The following ITM2C variants were observed in gnomAD, a reference collection of about 807,000 sequenced individuals.
The protein encoded by ITM2C is integral membrane protein 2C, also known as BRICHOS domain containing 2C.
ITM2C carries 20 observed loss-of-function variants against 30.0 expected under a neutral mutation model. That is an observed-to-expected ratio of 0.67 (90% CI 0.47 to 0.97). The LOEUF (loss-of-function observed/expected upper bound fraction) is 0.97. ITM2C is among the 50% of genes least tolerant of loss of function. The probability of loss-of-function intolerance (pLI) is 0.00; values close to 1 mark genes in which losing one functional copy is unlikely to be tolerated. For missense variants in ITM2C, 366 were observed against 371.9 expected (o/e 0.98, Z 0.13); for synonymous variants, 167 against 156.4 (o/e 1.07, Z -0.51).
chr2:230,871,934 G>A lies in ITM2C; in HGVS notation c.121-1483G>A, dbSNP rs142935944. Among the ~76,000 whole-genome samples the A allele has an allele frequency of 4.1e-3, 626 of 152,352 alleles. 7 individuals are homozygous for A. The highest frequency in any genetic ancestry group is 0.015 in the African/African-American group (608 of 41,588). On this transcript the variant is annotated intron_variant, in intron 1 of 5. Coordinates refer to ENST00000326427, the MANE Select transcript of ITM2C (RefSeq NM_030926.6). ...CTGAGGAGCGAAGCAGGCGCCCCCA[G>A]GGCAGGACCCCTGTGCTGTGCTGAG...
At chr2:230,875,394 G>A (rs997161569) in intron 2 of ITM2C, among the ~76,000 whole-genome samples, 9 of 152,148 alleles carry the variant, frequency 5.9e-5, no homozygotes, top group South Asian at 4.1e-4. Context: ...GCTGGGAAGC[G>A]CCTTGCCCAA....
intron 1 of ITM2C, 194 bp from the exon 2 acceptor site, chr2:230,873,223 C>T (rs370213033): frequency 4.7e-5 from 22 of 471,762 alleles, no homozygotes; most frequent in African/African-American, 3.0e-4. Flanking sequence ...AGGTTTGTCT[C>T]GGTTTCTCTT....
intron 1 of ITM2C, among the ~76,000 whole-genome samples, chr2:230,866,935 G>C (rs1476531925): frequency 6.6e-6 from 1 of 152,218 alleles, no homozygotes; most frequent in Non-Finnish European, 1.5e-5. Context: ...GGTTTGGGCA[G>C]TCTGACAGAG....
At chr2:230,875,085 C>T (rs1056274227) in intron 2 of ITM2C, among the ~76,000 whole-genome samples, 1 of 152,218 alleles carries the variant, frequency 6.6e-6, no homozygotes, top group African/African-American at 2.4e-5. Flanking sequence ...CAGGCCAGGA[C>T]AGCAGGTGAC....
At position 230,875,119 on chromosome 2, in the gene ITM2C, G is replaced by A. The variant is rs796556014; in HGVS notation, c.262-501G>A. On this transcript the variant is annotated intron_variant, in intron 2 of 5. Transcript: ENST00000326427. The stretch of plus-strand genomic sequence containing the variant: ...ACAGGAAAGGCAGTCGTGCACAGGC[G>A]TAGGTGCCCAACTCTTAGGTTCGTC... Among the ~76,000 whole-genome samples the A allele has an allele frequency of 6.6e-5, 10 of 152,206 alleles. No individual in the cohort carries two copies. In the South Asian group the frequency reaches 8.3e-4, roughly 13 times the overall value.
intron 1 of ITM2C, among the ~76,000 whole-genome samples, chr2:230,872,139 T>C (rs990203236): frequency 1.2e-4 from 19 of 152,256 alleles, no homozygotes; most frequent in Middle Eastern, 6.8e-3. Flanking sequence ...AGCAGGCAGG[T>C]AGTGGCAGAG....
At chr2:230,869,588 G>C (rs887112381) in intron 1 of ITM2C, among the ~76,000 whole-genome samples, 1 of 152,328 alleles carries the variant, frequency 6.6e-6, no homozygotes, top group Admixed American at 6.5e-5. Flanking sequence ...TGGGCCTCAG[G>C]AGTGCGTTTC....
chr2:230,872,714 G>A (rs752331673), intron 1 of ITM2C, among the ~76,000 whole-genome samples: 7 of 152,090 alleles, frequency 4.6e-5, no homozygotes, highest in African/African-American at 1.7e-4. Context: ...GTGCCTGTGG[G>A]GGGCCAGTGT....
rs1165635160 is a variant in ITM2C, at chr2:230,878,843, A to C, written c.*744A>C. 6.5e-6 allele frequency: 1 copy of C among 153,190 alleles called. No individual in the cohort carries two copies. Among genetic ancestry groups the C allele is most frequent in the African/African-American group, 2.4e-5 (1 of 41,458 alleles). The allele number at this position is 153,190 out of a possible 1,614,324, so 9.5% of individuals were successfully genotyped here. On this transcript the variant is annotated 3_prime_UTR_variant, in exon 6 of 6. Transcript: ENST00000326427. This position sits in a 1 kb window ranked among gnomAD's most constrained non-coding sequence, Gnocchi z 4.5. ...AAGGCAGTGGGATGGGCGGCTGAGG[A>C]ACGGGGCAGGCAAGGTCACTGCTCA...
chr2:230,877,638 CA>C lies in ITM2C; in HGVS notation c.712+89del. The stretch of plus-strand genomic sequence containing the variant: ...CGCCTAGCCCAGCTGTCAGAGAGCT[CA>C]GATAGCAGCAGCAATAACAGCTAGC... On this transcript the variant is annotated intron_variant, in intron 5 of 5. Coordinates refer to ENST00000326427, the MANE Select transcript of ITM2C (RefSeq NM_030926.6). The surrounding 1 kb of genome is among the most constrained non-coding windows in gnomAD (Gnocchi z 4.8). 7.2e-7 allele frequency: 1 copy of C among 1,395,588 alleles called. No individual in the cohort carries two copies. Among genetic ancestry groups the C allele is most frequent in the Non-Finnish European group, 1.0e-6 (1 of 1,003,044 alleles). 86.5% of individuals were successfully genotyped at this position (1,395,588 alleles called of 1,614,324 possible).
intron 1 of ITM2C, among the ~76,000 whole-genome samples, chr2:230,869,687 G>T (rs1428010693): frequency 6.6e-6 from 1 of 152,218 alleles, no homozygotes; most frequent in African/African-American, 2.4e-5. Flanking sequence ...CTGGGGGATG[G>T]GGCCCGGGAG....
rs1472493582 is a variant in ITM2C, at chr2:230,877,125, C to A, written c.561+158C>A. Among the ~76,000 whole-genome samples, 2 of 152,202 alleles carry A rather than the reference C, an allele frequency of 1.3e-5. No individual in the cohort carries two copies. Among genetic ancestry groups the A allele is most frequent in the African/African-American group, 4.8e-5 (2 of 41,440 alleles). The stretch of plus-strand genomic sequence containing the variant: ...GGGCCCTGTACCCAGATTGGTCTCG[C>A]CTCTGCTATCCCCCTGCTTCCACAT... On this transcript the variant is annotated intron_variant, in intron 4 of 5. Transcript: ENST00000326427. The surrounding 1 kb of genome is among the most constrained non-coding windows in gnomAD (Gnocchi z 4.8).
intron 1 of ITM2C, among the ~76,000 whole-genome samples, chr2:230,867,668 A>ATCTATTTTATTTATTTTTTT (rs1553537010): frequency 3.8e-4 from 40 of 105,140 alleles, no homozygotes; most frequent in African/African-American, 1.1e-3. Flanking sequence ...ATTTTATTTT[A>ATCTATTTTATTTATTTTTTT]TTTTTTTTTT....
intron 1 of ITM2C, among the ~76,000 whole-genome samples, chr2:230,872,012 A>T (rs944768999): frequency 2.0e-5 from 3 of 152,178 alleles, no homozygotes; most frequent in African/African-American, 7.2e-5. Flanking sequence ...CTCCAGGGGG[A>T]AGGGAGAAAG....
Position 230,873,430 on chromosome 2 carries a change from C to G in ITM2C, c.134C>G (p.Pro45Arg), listed in dbSNP as rs139329073. 1 of 1,593,940 alleles carries G rather than the reference C, an allele frequency of 6.3e-7. No homozygotes were observed. The highest frequency in any genetic ancestry group is 1.1e-5 in the South Asian group (1 of 87,506). Residue 45 changes from proline (P) to arginine (R), a missense_variant, in exon 2 of 6, where the codon CCA (proline) becomes CGA (arginine). Transcript: ENST00000326427. ...TGCTATCCACAGGAGGAGCAGCCCC[C>G]ACAACATCGATCCAAGAGGGGGGGC... ...LLTPAREEQPPQHRSKRGGSV... is the reference protein window; with the variant it reads ...LLTPAREEQPRQHRSKRGGSV...
chr2:230,874,658 G>A (rs905047659), intron 2 of ITM2C, among the ~76,000 whole-genome samples: 5 of 152,224 alleles, frequency 3.3e-5, no homozygotes, highest in Non-Finnish European at 5.9e-5. Context: ...TCCCCGCACA[G>A]CCCACAGGAG....
chr2:230,875,833 TGGGGGGTGG>T, intron 3 of ITM2C, 25 bp downstream of exon 3: 1 of 134,768 alleles, frequency 7.4e-6, no homozygotes. Context: ...GGCCTGGGGG[TGGGGGGTGG>T]GAGGGTGTCC....
intron 2 of ITM2C, 80 bp from the exon 3 acceptor site, chr2:230,875,540 G>T: frequency 7.9e-7 from 1 of 1,267,398 alleles, no homozygotes. Flanking sequence ...TGTAGCGGAC[G>T]GGTAGGCAAG....
intron 1 of ITM2C, among the ~76,000 whole-genome samples, chr2:230,870,084 A>G (rs3098331): frequency 0.48 from 73,009 of 152,136 alleles, 18,413 homozygotes; most frequent in East Asian, 0.84. Flanking sequence ...GCTGGGCACC[A>G]GGGATCCCAA....
Sources: gnomAD v4.1 joint callset for allele counts (sites outside exome capture counted in the v4.1 genomes callset) on GRCh38, gnomAD v4.1.1 for gene constraint, Gnocchi (gnomAD v3.1) non-coding constraint, MANE v1.5 for transcripts, NCBI Gene and HGNC (gene_info 2026-07-23, HGNC 2026-07-21) for gene names.